Variants in IYD observed in about 807,000 individuals in gnomAD.
The protein encoded by IYD is iodotyrosine deiodinase 1.
IYD carries 25 observed loss-of-function variants against 28.4 expected under a neutral mutation model. The observed-to-expected ratio is 0.88, with a 90% CI of 0.64 to 1.23. IYD has a LOEUF of 1.23. Among genes scored for constraint, IYD ranks in the 50% most tolerant of loss-of-function variants. IYD has a pLI of 0.00. For synonymous variants in IYD, 140 were observed against 130.8 expected (o/e 1.07, Z -0.48); for missense variants, 352 against 357.9 (o/e 0.98, Z 0.13).
At chr6:150,382,512 AT>A (rs1424512917) in intron 1 of IYD, among the ~76,000 whole-genome samples, 1 of 152,110 alleles carries the variant, frequency 6.6e-6, no homozygotes. Flanking sequence ...TTTTGGAAAA[AT>A]TTCAGCCATT....
At chr6:150,393,830 G>T (rs1258797825) in intron 3 of IYD, among the ~76,000 whole-genome samples, 4 of 152,124 alleles carry the variant, frequency 2.6e-5, no homozygotes, top group African/African-American at 9.7e-5. Context: ...TTTTGACCCA[G>T]TGCATGCTGG....
At chr6:150,394,482 G>A (rs1008111525) in intron 4 of IYD, among the ~76,000 whole-genome samples, 10 of 152,184 alleles carry the variant, frequency 6.6e-5, no homozygotes, top group African/African-American at 2.4e-4. Flanking sequence ...TTGGTGTTGT[G>A]TTTGCAGTCA....
chr6:150,387,445 AAAAG>A (rs1371639691), intron 1 of IYD, among the ~76,000 whole-genome samples: 67 of 151,442 alleles, frequency 4.4e-4, no homozygotes, highest in Admixed American at 9.8e-4. Context: ...AAAAAAAAAA[AAAAG>A]AATTTACCAG....
At chr6:150,387,114 C>T (rs1489741975) in intron 1 of IYD, among the ~76,000 whole-genome samples, 3 of 152,116 alleles carry the variant, frequency 2.0e-5, no homozygotes, top group Non-Finnish European at 4.4e-5. Context: ...ATTTACGTAG[C>T]TTACCTGTAG....
chr6:150,398,244 C>G lies in IYD; in HGVS notation c.*7C>G, dbSNP rs2076286. The G allele has an allele frequency of 1.2e-6, 2 of 1,613,450 alleles. No homozygotes were observed. Among genetic ancestry groups the G allele is most frequent in the Admixed American group, 3.3e-5 (2 of 59,992 alleles). ...GATCATGGTGACAGTGTAGGCAGGG[C>G]CCCCCAAGGGAGTGGCAGGGAGATG... On this transcript the variant is annotated 3_prime_UTR_variant, in exon 5 of 5. Coordinates refer to ENST00000344419, the MANE Select transcript of IYD (RefSeq NM_203395.3).
chr6:150,382,709 T>C (rs1352076432), intron 1 of IYD, among the ~76,000 whole-genome samples: 1 of 152,242 alleles, frequency 6.6e-6, no homozygotes, highest in Non-Finnish European at 1.5e-5. Flanking sequence ...TATTGATTCA[T>C]TTCCTCTTTA....
At chr6:150,391,639 T>C (rs1171096697) in intron 2 of IYD, among the ~76,000 whole-genome samples, 1 of 152,314 alleles carries the variant, frequency 6.6e-6, no homozygotes, top group African/African-American at 2.4e-5. Flanking sequence ...GGCAGCAGCA[T>C]GACAGGGTTC....
Position 150,389,367 on chromosome 6 carries a change from A to G in IYD, c.194A>G (p.Gln65Arg). The change falls in exon 2 of 5, where the codon CAA becomes CGA. Residue 65 changes from glutamine (Q) to arginine (R), a missense_variant. By Grantham distance (43) the Gln-to-Arg change is conservative. Coordinates refer to ENST00000344419, the MANE Select transcript of IYD (RefSeq NM_203395.3). ...HQAEEDADEW[Q>R]ESEENVEHIP... ...TTATTTGCAGATGCTGATGAATGGC[A>G]AGAATCAGAAGAAAATGTTGAACAC... is the stretch of plus-strand genomic sequence containing the variant. The G allele has an allele frequency of 3.7e-6, 6 of 1,613,766 alleles. No individual in the cohort carries two copies. Among genetic ancestry groups the G allele is most frequent in the Non-Finnish European group, 5.1e-6 (6 of 1,179,708 alleles).
At chr6:150,377,053 G>T (rs1025213079) in intron 1 of IYD, among the ~76,000 whole-genome samples, 1 of 152,290 alleles carries the variant, frequency 6.6e-6, no homozygotes, top group Admixed American at 6.5e-5. Flanking sequence ...ACCTGGAGGT[G>T]CTTCTTCAGT....
intron 3 of IYD, among the ~76,000 whole-genome samples, chr6:150,393,406 T>C (rs1398920238): frequency 6.6e-6 from 1 of 152,202 alleles, no homozygotes; most frequent in Non-Finnish European, 1.5e-5. Flanking sequence ...CAGATATTCA[T>C]AGCGTAAGAG....
At chr6:150,383,355 A>G (rs1489135833) in intron 1 of IYD, among the ~76,000 whole-genome samples, 1 of 152,108 alleles carries the variant, frequency 6.6e-6, no homozygotes, top group African/African-American at 2.4e-5. Context: ...GATCAACCTC[A>G]CAGCTGTTTC....
chr6:150,396,697 A>AC (rs1413212619), intron 4 of IYD: 1 of 303,882 alleles, frequency 3.3e-6, no homozygotes, highest in South Asian at 6.4e-5. Flanking sequence ...ACATGGTGAA[A>AC]CCCGGCCTTT....
intron 1 of IYD, among the ~76,000 whole-genome samples, chr6:150,373,845 TA>T (rs1386152795): frequency 6.6e-6 from 1 of 152,242 alleles, no homozygotes; most frequent in African/African-American, 2.4e-5. Flanking sequence ...TAGACACACC[TA>T]GACATTAATA....
intron 1 of IYD, among the ~76,000 whole-genome samples, chr6:150,374,838 T>C (rs1777387511): frequency 6.6e-6 from 1 of 152,204 alleles, no homozygotes; most frequent in Non-Finnish European, 1.5e-5. Flanking sequence ...GGGCACCTCT[T>C]ACTTGGGTGC....
At position 150,404,750 on chromosome 6, in the gene IYD, A is replaced by C. The variant is rs1778602290; in HGVS notation, c.*6513A>C. 1 of 152,240 alleles carries C rather than the reference A, an allele frequency of 6.6e-6. No individual in the cohort carries two copies. Among genetic ancestry groups the C allele is most frequent in the Non-Finnish European group, 1.5e-5 (1 of 68,038 alleles). 9.4% of individuals were successfully genotyped at this position (152,240 alleles called of 1,614,324 possible). A position where few individuals can be genotyped will look rare whatever the true frequency, so the allele number is the denominator to read the frequency against. ...TTACTAGTTTTATAAATAGGATAAT[A>C]AAATGTGTGTATGAGGTCAGAATGC... On this transcript the variant is annotated 3_prime_UTR_variant, in exon 5 of 5. Coordinates refer to ENST00000344419, the MANE Select transcript of IYD (RefSeq NM_203395.3).
In IYD at chr6:150,398,416, C is replaced by T; in HGVS notation, c.*179C>T. On this transcript the variant is annotated 3_prime_UTR_variant, in exon 5 of 5. Coordinates refer to ENST00000344419, the MANE Select transcript of IYD (RefSeq NM_203395.3). ...TCCACACTCTGTGGCACTTCCAGTC[C>T]CATAAATCCTGTTTCTTATCCACTT... The T allele has an allele frequency of 3.3e-6, 2 of 606,756 alleles. No individual in the cohort carries two copies. Among genetic ancestry groups the T allele is most frequent in the East Asian group, 2.8e-5 (1 of 36,210 alleles). 37.6% of individuals were successfully genotyped at this position (606,756 alleles called of 1,614,324 possible).
At chr6:150,381,162 C>G (rs1777633574) in intron 1 of IYD, among the ~76,000 whole-genome samples, 1 of 152,136 alleles carries the variant, frequency 6.6e-6, no homozygotes, top group Non-Finnish European at 1.5e-5. Flanking sequence ...GTATTAAACT[C>G]CAAATCTTTC....
At chr6:150,373,602 T>A (rs1339303957) in intron 1 of IYD, among the ~76,000 whole-genome samples, 4 of 152,340 alleles carry the variant, frequency 2.6e-5, no homozygotes, top group African/African-American at 9.6e-5. Context: ...AGGAGTTTTT[T>A]GTTAAATCAT....
chr6:150,394,069 T>C (rs1200556780), intron 3 of IYD, 30 bp from the exon 4 acceptor site: 1 of 1,611,302 alleles, frequency 6.2e-7, no homozygotes, highest in Non-Finnish European at 8.5e-7. Flanking sequence ...TATGGGCAAA[T>C]ATTATCCTGA....
Sources: gnomAD v4.1 joint callset for allele counts (sites outside exome capture counted in the v4.1 genomes callset) on GRCh38, gnomAD v4.1.1 for gene constraint, MANE v1.5 for transcripts, NCBI Gene and HGNC (gene_info 2026-07-23, HGNC 2026-07-21) for gene names.